The following PTPRO variants were observed in gnomAD, a reference collection of about 807,000 sequenced individuals.
The protein encoded by PTPRO is receptor-type tyrosine-protein phosphatase O.
A neutral mutation model predicts 145.2 loss-of-function variants in PTPRO; 62 were observed. The ratio of observed to expected loss-of-function variants is 0.43; its 90% confidence interval spans 0.35 to 0.53. PTPRO has a LOEUF of 0.53. Ranked by LOEUF, PTPRO falls within the 20% of genes least tolerant of loss-of-function variation. The probability of loss-of-function intolerance (pLI) is 0.01; values close to 1 mark genes in which losing one functional copy is unlikely to be tolerated. For missense variants in PTPRO, 1,345 were observed against 1,482.7 expected (o/e 0.91, Z 1.53); for synonymous variants, 565 against 514.7 (o/e 1.10, Z -1.32).
chr12:15,462,372 C>T (rs1486786075), intron 1 of PTPRO, among the ~76,000 whole-genome samples: 6 of 152,132 alleles, frequency 3.9e-5, no homozygotes, highest in East Asian at 3.9e-4. Flanking sequence ...GTGACCCACC[C>T]GCCTCGGCCT....
intron 1 of PTPRO, among the ~76,000 whole-genome samples, chr12:15,385,708 A>G (rs901621181): frequency 1.3e-5 from 2 of 148,810 alleles, no homozygotes; most frequent in South Asian, 2.2e-4. Context: ...GCTACTCAGG[A>G]GGCTGAGGCA....
intron 23 of PTPRO, 78 bp downstream of exon 23, chr12:15,581,879 C>G (rs746141332): frequency 1.4e-4 from 222 of 1,576,808 alleles, no homozygotes; most frequent in Middle Eastern, 3.4e-4. Context: ...GAGACCCTAA[C>G]CCAGCGGCGC....
chr12:15,439,708 C>G (rs556724632), intron 1 of PTPRO: 1 of 487,790 alleles, frequency 2.1e-6, no homozygotes, highest in African/African-American at 1.9e-5. Flanking sequence ...AGTGGATGCC[C>G]GTCACCGAGC....
intron 12 of PTPRO, among the ~76,000 whole-genome samples, chr12:15,539,761 CAAAAAAAAAAAAAAAAA>C (rs56061735): frequency 9.9e-4 from 52 of 52,490 alleles, no homozygotes; most frequent in African/African-American, 3.8e-3. Flanking sequence ...GACTCTGTCT[CAAAAAAAAAAAAAAAAA>C]AAAAAAAAAA....
chr12:15,349,072 G>C (rs1184140349), intron 1 of PTPRO, among the ~76,000 whole-genome samples: 1 of 152,090 alleles, frequency 6.6e-6, no homozygotes, highest in East Asian at 1.9e-4. Context: ...CTGCAAAACA[G>C]ATTTATGGAA....
chr12:15,392,740 A>AAAAAAAG (rs1565603952), intron 1 of PTPRO, among the ~76,000 whole-genome samples: 6 of 149,432 alleles, frequency 4.0e-5, no homozygotes, highest in African/African-American at 1.2e-4. Context: ...AAAAAAAAAA[A>AAAAAAAG]AAGAAGAAAA....
intron 1 of PTPRO, among the ~76,000 whole-genome samples, chr12:15,362,807 T>C (rs1429561732): frequency 6.6e-6 from 1 of 152,160 alleles, no homozygotes; most frequent in Non-Finnish European, 1.5e-5. Flanking sequence ...CATATTCAAA[T>C]GTATTAATAA....
At position 15,452,369 on chromosome 12, in the gene PTPRO, A is replaced by T. The variant is rs184504071; in HGVS notation, c.76-31605A>T. Among the ~76,000 whole-genome samples, 486 of 152,282 alleles carry T rather than the reference A, an allele frequency of 3.2e-3. 4 individuals carry two copies. The highest frequency in any genetic ancestry group is 2.8e-3 in the Non-Finnish European group (192 of 68,004). On this transcript the variant is annotated intron_variant, in intron 1 of 26. Coordinates refer to ENST00000281171, the MANE Select transcript of PTPRO (RefSeq NM_030667.3). ...GGTACAAAAAAAAATTGCCAACAAC[A>T]AAAGTCCAGGACTAGACGGATTCAC...
intron 23 of PTPRO, among the ~76,000 whole-genome samples, chr12:15,583,389 G>T (rs111936767): frequency 0.039 from 5,944 of 151,832 alleles, 387 homozygotes; most frequent in African/African-American, 0.13. Context: ...TGAGGTGGGG[G>T]AATCACTTGA....
intron 1 of PTPRO, among the ~76,000 whole-genome samples, chr12:15,479,949 C>T (rs1209083336): frequency 2.6e-5 from 4 of 152,156 alleles, no homozygotes; most frequent in Admixed American, 1.3e-4. Flanking sequence ...GGTGTGCAGG[C>T]GGCACACTAC....
At chr12:15,411,059 A>G (rs968715404) in intron 1 of PTPRO, among the ~76,000 whole-genome samples, 1 of 152,206 alleles carries the variant, frequency 6.6e-6, no homozygotes, top group African/African-American at 2.4e-5. Context: ...ATTATTATGA[A>G]AAAGAAGTTT....
chr12:15,409,727 A>T (rs76726096), intron 1 of PTPRO, among the ~76,000 whole-genome samples: 11,918 of 152,248 alleles, frequency 0.078, 541 homozygotes, highest in African/African-American at 0.12. Flanking sequence ...GAGCAGGTGC[A>T]AGTGAGTGCA....
chr12:15,467,409 A>T (rs866356950), intron 1 of PTPRO, among the ~76,000 whole-genome samples: 3 of 149,980 alleles, frequency 2.0e-5, no homozygotes, highest in African/African-American at 7.4e-5. Flanking sequence ...GGTAGGGGTG[A>T]GTGTGTGTGT....
chr12:15,393,194 A>G (rs931775169), intron 1 of PTPRO, among the ~76,000 whole-genome samples: 1 of 152,152 alleles, frequency 6.6e-6, no homozygotes, highest in Non-Finnish European at 1.5e-5. Context: ...TAGTGTAATG[A>G]TTAACCAGTA....
At chr12:15,586,839 G>A in intron 23 of PTPRO, 58 bp from the exon 24 acceptor site, 1 of 1,599,876 alleles carries the variant, frequency 6.3e-7, no homozygotes, top group South Asian at 1.1e-5. Context: ...CAGAGTCCTG[G>A]GTCATCCTAA....
intron 10 of PTPRO, among the ~76,000 whole-genome samples, chr12:15,521,551 T>C (rs1429956447): frequency 6.6e-6 from 1 of 152,190 alleles, no homozygotes; most frequent in Non-Finnish European, 1.5e-5. Flanking sequence ...GACAGTTGTC[T>C]GGAAAAAGCT....
At chr12:15,471,188 G>T (rs1028501920) in intron 1 of PTPRO, among the ~76,000 whole-genome samples, 1 of 152,048 alleles carries the variant, frequency 6.6e-6, no homozygotes, top group Non-Finnish European at 1.5e-5. Context: ...AGACCAGCAT[G>T]GGCAACATGG....
At chr12:15,524,710 T>A in intron 10 of PTPRO, 104 bp from the exon 11 acceptor site, 2 of 1,275,046 alleles carry the variant, frequency 1.6e-6, no homozygotes, top group South Asian at 2.5e-5. Context: ...GTGCTGTGAA[T>A]TCTAATTCGC....
chr12:15,385,537 G>A (rs990070431), intron 1 of PTPRO, among the ~76,000 whole-genome samples: 13 of 152,048 alleles, frequency 8.5e-5, no homozygotes, highest in Non-Finnish European at 1.5e-4. Flanking sequence ...AGATGCAGCC[G>A]GGCATGTTGG....
Sources: allele counts gnomAD v4.1 joint callset (sites outside exome capture counted in the v4.1 genomes callset), GRCh38; gene constraint gnomAD v4.1.1; transcripts MANE v1.5; gene names NCBI Gene and HGNC (gene_info 2026-07-23, HGNC 2026-07-21).